DSCAML1: variants seen among roughly 807,000 people sequenced by gnomAD.
The protein encoded by DSCAML1 is DS cell adhesion molecule like 1, also known as cell adhesion molecule DSCAML1.
In DSCAML1, 38 loss-of-function variants were observed where a neutral mutation model predicts 200.5. That is an observed-to-expected ratio of 0.19 (90% CI 0.15 to 0.25). The LOEUF (loss-of-function observed/expected upper bound fraction) is 0.25, where lower values mean the gene tolerates loss of function less well. Among genes scored for constraint, DSCAML1 ranks in the 10% least tolerant of loss-of-function variants. The pLI, the probability that DSCAML1 is intolerant of heterozygous loss-of-function variation, is 1.00. For synonymous variants in DSCAML1, 1,215 were observed against 1,165.0 expected, an observed-to-expected ratio of 1.04 and a Z score of -0.87; for missense variants, 2,223 against 2,858.8, an observed-to-expected ratio of 0.78 and a Z score of 5.07.
At chr11:117,550,761 C>T (rs1231584157) in intron 3 of DSCAML1, among the ~76,000 whole-genome samples, 1 of 152,238 alleles carries the variant, frequency 6.6e-6, no homozygotes, top group Non-Finnish European at 1.5e-5. Context: ...CCACCTCTCA[C>T]TCGCTGACAC....
chr11:117,701,223 G>A (rs1175011326), intron 3 of DSCAML1, among the ~76,000 whole-genome samples: 1 of 152,124 alleles, frequency 6.6e-6, no homozygotes, highest in Admixed American at 6.5e-5. Flanking sequence ...CCAAGATTGT[G>A]CCACTGCACT....
At chr11:117,717,944 C>T (rs2053980570) in intron 3 of DSCAML1, among the ~76,000 whole-genome samples, 1 of 152,178 alleles carries the variant, frequency 6.6e-6, no homozygotes, top group Non-Finnish European at 1.5e-5. Flanking sequence ...GTGCAGGTTC[C>T]AGCTTCAGGG....
At chr11:117,613,441 TCTC>T (rs1233789061) in intron 3 of DSCAML1, among the ~76,000 whole-genome samples, 3 of 151,914 alleles carry the variant, frequency 2.0e-5, no homozygotes, top group Non-Finnish European at 2.9e-5. Context: ...TAGGGTGCGC[TCTC>T]CTCTTCTCCA....
In DSCAML1 at chr11:117,444,025, G is replaced by A. The variant is rs142613981; in HGVS notation, c.3723C>T (p.Tyr1241=). ...AGAAGAGCTGCTCTGGACTCGTCTCGTACTCGCTGGGAGCCTGCGGGGCAG... is the reference window on the plus strand; with the variant it reads ...AGAAGAGCTGCTCTGGACTCGTCTCATACTCGCTGGGAGCCTGCGGGGCAG... ...PGSGQPAPSE[Y]ETSPEQLFYR... The change falls in exon 21 of 33, where the codon TAC becomes TAT. Residue 1241 remains tyrosine (Y), a synonymous_variant. Coordinates refer to ENST00000651296, the MANE Select transcript of DSCAML1 (RefSeq NM_020693.4). The A allele has an allele frequency of 3.5e-4, 572 of 1,612,506 alleles. No individual in the cohort carries two copies. The highest frequency in any genetic ancestry group is 4.5e-4 in the Non-Finnish European group (536 of 1,179,042).
intron 3 of DSCAML1, among the ~76,000 whole-genome samples, chr11:117,657,877 G>T (rs999849018): frequency 6.6e-6 from 1 of 152,166 alleles, no homozygotes; most frequent in Non-Finnish European, 1.5e-5. Flanking sequence ...CATGGCCCGA[G>T]GGAAAAGGAT....
chr11:117,810,338 C>T (rs2055750766), intron 1 of DSCAML1, among the ~76,000 whole-genome samples: 1 of 152,034 alleles, frequency 6.6e-6, no homozygotes, highest in South Asian at 2.1e-4. Flanking sequence ...TCCCGCTTTT[C>T]TAGGGGGCAA....
At chr11:117,438,802 G>T in intron 24 of DSCAML1, 83 bp downstream of exon 24, 2 of 1,224,644 alleles carry the variant, frequency 1.6e-6, no homozygotes, top group South Asian at 1.8e-5. Flanking sequence ...GGAGACAAAT[G>T]GCAGAAGTGG....
intron 8 of DSCAML1, among the ~76,000 whole-genome samples, chr11:117,512,576 C>G (rs1173677947): frequency 6.6e-6 from 1 of 151,734 alleles, no homozygotes; most frequent in East Asian, 1.9e-4. Context: ...CGCCTCAGGG[C>G]TGGATTTCTG....
chr11:117,644,078 G>C (rs1489346020), intron 3 of DSCAML1, among the ~76,000 whole-genome samples: 1 of 152,158 alleles, frequency 6.6e-6, no homozygotes, highest in Non-Finnish European at 1.5e-5. Context: ...CTTCTTTCTG[G>C]GGCAGACTCC....
intron 8 of DSCAML1, among the ~76,000 whole-genome samples, chr11:117,506,757 G>T (rs1042348205): frequency 6.6e-6 from 1 of 151,866 alleles, no homozygotes; most frequent in African/African-American, 2.4e-5. Flanking sequence ...ATGTTGGCCA[G>T]GCTGGCCTCA....
intron 16 of DSCAML1, among the ~76,000 whole-genome samples, chr11:117,465,711 T>C (rs1483791299): frequency 6.6e-6 from 1 of 151,944 alleles, no homozygotes; most frequent in African/African-American, 2.4e-5. Context: ...TCTAGAATGG[T>C]GCCTGGCATA....
intron 3 of DSCAML1, among the ~76,000 whole-genome samples, chr11:117,624,049 A>T (rs2051994383): frequency 6.6e-6 from 1 of 152,216 alleles, no homozygotes; most frequent in Admixed American, 6.5e-5. Flanking sequence ...TGGGAGGGAG[A>T]GCTCTCTGTG....
intron 3 of DSCAML1, among the ~76,000 whole-genome samples, chr11:117,579,146 G>A (rs1477145383): frequency 6.6e-5 from 10 of 151,940 alleles, no homozygotes; most frequent in South Asian, 2.1e-4. Context: ...CTCCCCCACC[G>A]AGGCTCTGCA....
intron 3 of DSCAML1, among the ~76,000 whole-genome samples, chr11:117,574,210 G>A (rs2050895351): frequency 1.3e-5 from 2 of 152,150 alleles, no homozygotes; most frequent in Admixed American, 1.3e-4. Flanking sequence ...CCACATTTTT[G>A]GGCAAAACCT....
In DSCAML1 at chr11:117,469,844, T is replaced by C; in HGVS notation, c.3024+66A>G. Reference sequence around the variant, plus strand: ...AGACTAGCAAGCCTGCTGGGAGCTTTCGTCCTGGATTGAGGAGAGAGGAGG... The same window carrying C: ...AGACTAGCAAGCCTGCTGGGAGCTTCCGTCCTGGATTGAGGAGAGAGGAGG... On this transcript the variant is annotated intron_variant, in intron 16 of 32. Transcript: ENST00000651296. The surrounding 1 kb of genome is among the most constrained non-coding windows in gnomAD (Gnocchi z 4.1). 5 of 1,438,356 alleles carry C rather than the reference T, an allele frequency of 3.5e-6. No individual in the cohort carries two copies. The South Asian group carries it at 6.1e-5, about 17-fold the overall frequency. The allele number at this position is 1,438,356 out of a possible 1,614,324, so 89.1% of individuals were successfully genotyped here.
intron 4 of DSCAML1, among the ~76,000 whole-genome samples, chr11:117,528,445 G>A (rs769702213): frequency 6.6e-6 from 1 of 152,220 alleles, no homozygotes; most frequent in African/African-American, 2.4e-5. Flanking sequence ...AGCCCGGGGG[G>A]ACTGGGTGCT....
intron 20 of DSCAML1, among the ~76,000 whole-genome samples, chr11:117,446,538 T>C (rs1030680233): frequency 1.3e-5 from 2 of 151,804 alleles, no homozygotes; most frequent in East Asian, 1.9e-4. Context: ...ACAAAGGACG[T>C]AAATTGACAA....
chr11:117,718,498 G>C (rs528709294), intron 3 of DSCAML1, among the ~76,000 whole-genome samples: 1 of 152,346 alleles, frequency 6.6e-6, no homozygotes, highest in South Asian at 2.1e-4. Flanking sequence ...TGAGGGGGCT[G>C]TGCAGCAGTA....
At chr11:117,615,121 C>T (rs1013977976) in intron 3 of DSCAML1, among the ~76,000 whole-genome samples, 2 of 152,194 alleles carry the variant, frequency 1.3e-5, no homozygotes, top group South Asian at 2.1e-4. Context: ...GAGCTGTTGA[C>T]CCTGGGAGGG....
Sources: allele counts gnomAD v4.1 joint callset (sites outside exome capture counted in the v4.1 genomes callset), GRCh38; gene constraint gnomAD v4.1.1; non-coding constraint Gnocchi (gnomAD v3.1); transcripts MANE v1.5; gene names NCBI Gene and HGNC (gene_info 2026-07-23, HGNC 2026-07-21).